USH2A: variants seen among roughly 807,000 people sequenced by gnomAD.
The protein encoded by USH2A is Usher syndrome 2A (autosomal recessive, mild).
A neutral mutation model predicts 538.9 loss-of-function variants in USH2A; 443 were observed. That is an observed-to-expected ratio of 0.82 (90% CI 0.76 to 0.89). The LOEUF is 0.89. USH2A is among the 40% of genes least tolerant of loss of function. The probability of loss-of-function intolerance (pLI) is 0.00; values close to 1 mark genes in which losing one functional copy is unlikely to be tolerated. For missense variants in USH2A, 6,633 were observed against 6,324.8 expected, an observed-to-expected ratio of 1.05 and a Z score of -1.65; for synonymous variants, 2,413 against 2,273.5, an observed-to-expected ratio of 1.06 and a Z score of -1.75.
At chr1:216,316,166 G>A (rs2037505050) in intron 9 of USH2A, among the ~76,000 whole-genome samples, 1 of 151,872 alleles carries the variant, frequency 6.6e-6, no homozygotes, top group African/African-American at 2.4e-5. Context: ...GCTCCCCAAG[G>A]TAAATGTTTT....
At chr1:215,909,894 G>A (rs1226722129) in intron 38 of USH2A, among the ~76,000 whole-genome samples, 2 of 151,922 alleles carry the variant, frequency 1.3e-5, no homozygotes. Flanking sequence ...CTAAGCTTCT[G>A]GTCTAAGGGA....
At chr1:215,999,220 T>C (rs1435885371) in intron 33 of USH2A, among the ~76,000 whole-genome samples, 162 bp from the exon 34 acceptor site, 4 of 152,184 alleles carry the variant, frequency 2.6e-5, no homozygotes, top group African/African-American at 9.6e-5. Context: ...AGTTATCCAA[T>C]GCCTATTCTG....
Position 216,086,704 on chromosome 1 carries a change from C to T in USH2A, c.4987+15G>A, listed in dbSNP as rs536196315. 6.3e-7 allele frequency: 1 copy of T among 1,585,424 alleles called. No individual in the cohort carries two copies. Among genetic ancestry groups the T allele is most frequent in the Non-Finnish European group, 8.7e-7 (1 of 1,155,102 alleles). ...AGTTTGGATGACAACATATAATATA[C>T]CTTACTAAACTCACCAGGATCCTTC... On this transcript the variant is annotated intron_variant, in intron 24 of 71. Transcript: ENST00000307340.
rs1668761176 is a variant in USH2A at position 216,018,145 on chromosome 1, A to AT, written c.6326-17584_6326-17583insA. 2.0e-5 allele frequency among the ~76,000 whole-genome samples: 3 copies of AT among 152,170 alleles called. No individual in the cohort carries two copies. The South Asian group carries it at 6.2e-4, about 31-fold the overall frequency. Reference sequence around the variant, plus strand: ...TATTATTGGGTACATTCTTAATTACACCTTAAGCATAAACTCTTAGAAGTA... The same window carrying AT: ...TATTATTGGGTACATTCTTAATTACATCCTTAAGCATAAACTCTTAGAAGTA... On this transcript the variant is annotated intron_variant, in intron 32 of 71. Coordinates refer to ENST00000307340, the MANE Select transcript of USH2A (RefSeq NM_206933.4).
chr1:215,972,276 C>A (rs1013262412), intron 35 of USH2A, among the ~76,000 whole-genome samples: 1 of 152,160 alleles, frequency 6.6e-6, no homozygotes, highest in Non-Finnish European at 1.5e-5. Context: ...CAGCAGGGGA[C>A]AAAGCACCTG....
intron 24 of USH2A, among the ~76,000 whole-genome samples, chr1:216,085,717 T>G (rs911091627): frequency 2.7e-5 from 4 of 146,172 alleles, no homozygotes; most frequent in African/African-American, 1.0e-4. Flanking sequence ...GCTGTGTACG[T>G]GAGTGTGTGT....
At chr1:216,210,978 AAACAACAAC>A in intron 15 of USH2A, among the ~76,000 whole-genome samples, 1 of 150,996 alleles carries the variant, frequency 6.6e-6, no homozygotes, top group Admixed American at 6.6e-5. Flanking sequence ...ACTCTGTCTA[AAACAACAAC>A]AACAAAAAGG....
chr1:216,215,537 G>T (rs2102493379), intron 15 of USH2A, among the ~76,000 whole-genome samples: 1 of 152,100 alleles, frequency 6.6e-6, no homozygotes, highest in East Asian at 1.9e-4. Flanking sequence ...TATTATCAGT[G>T]TCCATCACTC....
intron 32 of USH2A, among the ~76,000 whole-genome samples, chr1:216,025,469 G>A (rs1439701515): frequency 1.3e-5 from 2 of 151,862 alleles, no homozygotes; most frequent in East Asian, 3.9e-4. Flanking sequence ...TAGTATTTTC[G>A]AGCTAATTTT....
intron 58 of USH2A, 36 bp from the exon 59 acceptor site, chr1:215,743,371 C>CATATATATATATATATAT (rs376081393): frequency 2.7e-5 from 11 of 406,144 alleles, no homozygotes; most frequent in East Asian, 1.3e-4. Flanking sequence ...ACATTAAAAA[C>CATATATATATATATATAT]ATATATATAT....
intron 24 of USH2A, among the ~76,000 whole-genome samples, chr1:216,085,517 C>A (rs1321734371): frequency 6.6e-6 from 1 of 152,060 alleles, no homozygotes; most frequent in African/African-American, 2.4e-5. Flanking sequence ...CAGCCACCTC[C>A]TTTCCTATGG....
chr1:215,777,761 T>C (rs1433715720), intron 55 of USH2A, among the ~76,000 whole-genome samples: 1 of 152,238 alleles, frequency 6.6e-6, no homozygotes, highest in South Asian at 2.1e-4. Flanking sequence ...AATGATATTC[T>C]GATTTCCTTT....
At chr1:216,112,032 C>G (rs1479339661) in intron 21 of USH2A, among the ~76,000 whole-genome samples, 1 of 151,976 alleles carries the variant, frequency 6.6e-6, no homozygotes, top group Admixed American at 6.6e-5. Context: ...TTTTACTTGA[C>G]TGCCATTAGG....
chr1:216,005,803 A>T (rs1401480754), intron 32 of USH2A, among the ~76,000 whole-genome samples: 1 of 152,192 alleles, frequency 6.6e-6, no homozygotes, highest in Non-Finnish European at 1.5e-5. Flanking sequence ...AAAACAAAAC[A>T]GGAGATAGTG....
At chr1:215,998,820 T>A in intron 34 of USH2A, 67 bp downstream of exon 34, 1 of 1,547,784 alleles carries the variant, frequency 6.5e-7, no homozygotes, top group Non-Finnish European at 8.9e-7. Flanking sequence ...AAAGAAAAGA[T>A]GGACCACGGG....
chr1:215,810,127 T>C (rs2102789776), intron 49 of USH2A, among the ~76,000 whole-genome samples: 1 of 152,214 alleles, frequency 6.6e-6, no homozygotes, highest in Admixed American at 6.6e-5. Context: ...AAATGAACTA[T>C]TTAAAAAAGA....
intron 3 of USH2A, among the ~76,000 whole-genome samples, chr1:216,388,522 T>A (rs956167499): frequency 6.6e-6 from 1 of 152,168 alleles, no homozygotes; most frequent in Non-Finnish European, 1.5e-5. Flanking sequence ...AAATTACAAA[T>A]ACATAAGGGA....
intron 61 of USH2A, among the ~76,000 whole-genome samples, chr1:215,693,355 A>G (rs1658687006): frequency 6.6e-6 from 1 of 151,844 alleles, no homozygotes; most frequent in Non-Finnish European, 1.5e-5. Flanking sequence ...ACTATGTCAG[A>G]CTTGGTGTAT....
chr1:216,306,560 C>T (rs924347320), intron 9 of USH2A, among the ~76,000 whole-genome samples: 1 of 152,096 alleles, frequency 6.6e-6, no homozygotes, highest in African/African-American at 2.4e-5. Context: ...CTATTGTGAT[C>T]TTTTGGGGAT....
Sources: allele counts gnomAD v4.1 joint callset (sites outside exome capture counted in the v4.1 genomes callset), GRCh38; gene constraint gnomAD v4.1.1; transcripts MANE v1.5; gene names NCBI Gene and HGNC (gene_info 2026-07-23, HGNC 2026-07-21).